Variants in MED13L observed in about 807,000 individuals in gnomAD.
MED13L encodes the protein mediator complex subunit 13L.
Under a neutral mutation model 220.9 loss-of-function variants are expected in MED13L, and 7 were observed. That is an observed-to-expected ratio of 0.03 (90% CI 0.02 to 0.06). The LOEUF (loss-of-function observed/expected upper bound fraction) is 0.06, where lower values mean the gene tolerates loss of function less well. MED13L is among the 10% of genes least tolerant of loss of function. The pLI is 1.00. For synonymous variants in MED13L, 1,011 were observed against 1,015.2 expected (o/e 1.00, Z 0.08); for missense variants, 1,965 against 2,760.5 (o/e 0.71, Z 6.46).
intron 2 of MED13L, among the ~76,000 whole-genome samples, chr12:116,143,630 T>G (rs1434663535): frequency 6.6e-6 from 1 of 152,174 alleles, no homozygotes; most frequent in Non-Finnish European, 1.5e-5. Context: ...GGGACTCCCT[T>G]CTAAAATGTT....
At chr12:116,119,838 A>AAAAATATAT (rs1555213242) in intron 2 of MED13L, among the ~76,000 whole-genome samples, 2 of 31,594 alleles carry the variant, frequency 6.3e-5, no homozygotes, top group Admixed American at 9.6e-4. Context: ...AAAAAAAAAA[A>AAAAATATAT]ATATATATAT....
intron 2 of MED13L, among the ~76,000 whole-genome samples, chr12:116,221,373 T>TA (rs78623635): frequency 0.067 from 8,870 of 132,304 alleles, 344 homozygotes; most frequent in African/African-American, 0.11. Flanking sequence ...GACCCTGTCT[T>TA]AAAAAAAAAA....
intron 9 of MED13L, among the ~76,000 whole-genome samples, chr12:116,012,547 C>A (rs563064085): frequency 6.6e-6 from 1 of 152,120 alleles, no homozygotes; most frequent in Non-Finnish European, 1.5e-5. Flanking sequence ...CAAACTGATG[C>A]CTTTAGTTTT....
At chr12:115,974,834 CTGATA>C (rs779921051) in intron 25 of MED13L, among the ~76,000 whole-genome samples, 15 of 152,192 alleles carry the variant, frequency 9.9e-5, no homozygotes, top group Admixed American at 5.2e-4. Flanking sequence ...CCTATAATCA[CTGATA>C]TAAAATTTTT....
chr12:116,154,278 C>G (rs529258012), intron 2 of MED13L, among the ~76,000 whole-genome samples: 4 of 152,168 alleles, frequency 2.6e-5, no homozygotes, highest in African/African-American at 7.2e-5. Flanking sequence ...TCCAAAAGCC[C>G]GTCCTATTAA....
At chr12:116,163,992 G>T (rs1206405644) in intron 2 of MED13L, among the ~76,000 whole-genome samples, 1 of 152,050 alleles carries the variant, frequency 6.6e-6, no homozygotes, top group Admixed American at 6.5e-5. Flanking sequence ...CTTCTTGGGA[G>T]AAAAAGGGAA....
chr12:116,160,435 C>T (rs1329950051), intron 2 of MED13L, among the ~76,000 whole-genome samples: 4 of 152,120 alleles, frequency 2.6e-5, no homozygotes, highest in Non-Finnish European at 5.9e-5. Context: ...GCAATAGTCA[C>T]CTGAGAAGCA....
At chr12:116,203,212 A>G (rs1882111511) in intron 2 of MED13L, among the ~76,000 whole-genome samples, 1 of 152,190 alleles carries the variant, frequency 6.6e-6, no homozygotes, top group African/African-American at 2.4e-5. Context: ...ACAGTTTTCT[A>G]TATGAGGGTT....
At chr12:115,980,521 G>A in intron 23 of MED13L, 1 of 577,782 alleles carries the variant, frequency 1.7e-6, no homozygotes, top group Non-Finnish European at 3.1e-6. Flanking sequence ...ATGGGGTCTT[G>A]CTATGTTGCC....
chr12:116,220,783 C>T (rs1340179478), intron 2 of MED13L, among the ~76,000 whole-genome samples: 1 of 152,100 alleles, frequency 6.6e-6, no homozygotes, highest in Non-Finnish European at 1.5e-5. Context: ...GTCTATTAAC[C>T]TGAGAATTAA....
intron 4 of MED13L, among the ~76,000 whole-genome samples, chr12:116,047,908 GA>G (rs1881934640): frequency 1.3e-5 from 2 of 152,276 alleles, no homozygotes; most frequent in Middle Eastern, 3.4e-3. Context: ...ATGGAGTTAA[GA>G]AAAAGAGTAA....
intron 14 of MED13L, among the ~76,000 whole-genome samples, chr12:115,998,032 GA>G (rs1878515413): frequency 6.6e-6 from 1 of 152,110 alleles, no homozygotes; most frequent in African/African-American, 2.4e-5. Flanking sequence ...CTCTTTTGGG[GA>G]AACAGTTCCA....
chr12:116,197,005 C>T (rs1881671084), intron 2 of MED13L, among the ~76,000 whole-genome samples: 1 of 152,082 alleles, frequency 6.6e-6, no homozygotes, highest in African/African-American at 2.4e-5. Flanking sequence ...GAACAGTAAC[C>T]ATATTAAGTC....
rs1868571311 is a variant in MED13L, at chr12:116,222,821, C to T, written c.310+14647G>A. On this transcript the variant is annotated intron_variant, in intron 2 of 30. Transcript: ENST00000281928. ...TTAAATATTTAGAAAGGAGATGCAA[C>T]CCAAAGGCTATTTTGATAAACAACT... Among the ~76,000 whole-genome samples the T allele has an allele frequency of 1.3e-5, 2 of 152,296 alleles. 1 individual carries two copies. The highest frequency in any genetic ancestry group is 4.1e-4 in the South Asian group (2 of 4,826).
At chr12:116,122,084 A>G (rs1332005706) in intron 2 of MED13L, among the ~76,000 whole-genome samples, 1 of 152,088 alleles carries the variant, frequency 6.6e-6, no homozygotes, top group Non-Finnish European at 1.5e-5. Context: ...AAACATATAA[A>G]ACGCATCGTA....
intron 17 of MED13L, 134 bp from the exon 18 acceptor site, chr12:115,987,422 T>G (rs1877768527): frequency 1.4e-5 from 11 of 791,230 alleles, no homozygotes; most frequent in Non-Finnish European, 2.3e-5. Flanking sequence ...ATATTTGACT[T>G]AGGAGTCAGG....
At chr12:115,971,495 C>T (rs749159933) in intron 26 of MED13L, among the ~76,000 whole-genome samples, 40 of 152,124 alleles carry the variant, frequency 2.6e-4, no homozygotes, top group Non-Finnish European at 3.7e-4. Flanking sequence ...AATATAAAAT[C>T]GCTCAGTTAC....
intron 1 of MED13L, among the ~76,000 whole-genome samples, chr12:116,272,572 A>C (rs895974987): frequency 4.6e-5 from 7 of 152,046 alleles, no homozygotes; most frequent in African/African-American, 1.2e-4. Context: ...CCAAAACAAA[A>C]AAAAAAAATG....
intron 2 of MED13L, among the ~76,000 whole-genome samples, chr12:116,139,535 A>G (rs1476894020): frequency 3.9e-5 from 6 of 152,230 alleles, no homozygotes; most frequent in Non-Finnish European, 7.3e-5. Context: ...CATTTAAGAA[A>G]AAGGATAAAT....
Sources: allele counts gnomAD v4.1 joint callset (sites outside exome capture counted in the v4.1 genomes callset), GRCh38; gene constraint gnomAD v4.1.1; transcripts MANE v1.5; gene names NCBI Gene and HGNC (gene_info 2026-07-23, HGNC 2026-07-21).